NKAIN1: variants seen among roughly 807,000 people sequenced by gnomAD.
The protein encoded by NKAIN1 is sodium/potassium transporting ATPase interacting 1, also known as sodium/potassium-transporting ATPase subunit beta-1-interacting protein 1.
In NKAIN1, 13 loss-of-function variants were observed where a neutral mutation model predicts 31.6. That is an observed-to-expected ratio of 0.41 (90% CI 0.27 to 0.65). NKAIN1 has a LOEUF of 0.65. Among genes scored for constraint, NKAIN1 ranks in the 30% least tolerant of loss-of-function variants. The probability of loss-of-function intolerance (pLI) is 0.30; values close to 1 mark genes in which losing one functional copy is unlikely to be tolerated. For synonymous variants in NKAIN1, 104 were observed against 109.0 expected (o/e 0.95, Z 0.28); for missense variants, 193 against 262.2 (o/e 0.74, Z 1.82).
intron 1 of NKAIN1, among the ~76,000 whole-genome samples, chr1:31,219,205 A>C (rs958413678): frequency 6.6e-6 from 1 of 152,228 alleles, no homozygotes; most frequent in African/African-American, 2.4e-5. Context: ...GACTTCTTGG[A>C]GTTTTGAGCC....
rs1213829503 is a variant in NKAIN1 at position 31,233,798 on chromosome 1, T to C, written c.54+5696A>G. Among the ~76,000 whole-genome samples the C allele has an allele frequency of 2.0e-5, 3 of 152,150 alleles. No individual in the cohort carries two copies. Among genetic ancestry groups the C allele is most frequent in the South Asian group, 2.1e-4 (1 of 4,820 alleles). Reference sequence around the variant, plus strand: ...CGTACTTGGCTATCCCGGCATCAACTTGCGAATTCCCCAAACTGCCATGGG... The same window carrying C: ...CGTACTTGGCTATCCCGGCATCAACCTGCGAATTCCCCAAACTGCCATGGG... On this transcript the variant is annotated intron_variant, in intron 1 of 6. Coordinates refer to ENST00000373736, the MANE Select transcript of NKAIN1 (RefSeq NM_024522.3). The surrounding 1 kb of genome is among the most constrained non-coding windows in gnomAD (Gnocchi z 4.0).
chr1:31,181,593 G>T lies in NKAIN1; in HGVS notation c.*110C>A. The T allele has an allele frequency of 9.3e-7, 1 of 1,080,358 alleles. No individual in the cohort carries two copies. The highest frequency in any genetic ancestry group is 1.3e-6 in the Non-Finnish European group (1 of 794,136). 66.9% of individuals were successfully genotyped at this position (1,080,358 alleles called of 1,614,324 possible). On this transcript the variant is annotated 3_prime_UTR_variant, in exon 7 of 7. Transcript: ENST00000373736. ...GATGCAGACGCGGGGTTGGGCACAG[G>T]CTGCAGTGAGCGCGCGGGCCACCAG...
rs1260670670 is a variant in NKAIN1 at position 31,188,023 on chromosome 1, C to G, written c.192+27G>C. 2.6e-6 allele frequency: 4 copies of G among 1,547,746 alleles called. No individual in the cohort carries two copies. The Admixed American group carries it at 7.9e-5, about 31-fold the overall frequency. ...GGGCAGGGGTGAGGAGAGGAGTTGG[C>G]TTGGGAAGGGGCTAGGTGAGCCGTA... is the stretch of plus-strand genomic sequence containing the variant. On this transcript the variant is annotated intron_variant, in intron 2 of 6. Transcript: ENST00000373736.
intron 1 of NKAIN1, among the ~76,000 whole-genome samples, chr1:31,196,346 T>C (rs1645326535): frequency 6.6e-6 from 1 of 151,986 alleles, no homozygotes; most frequent in Non-Finnish European, 1.5e-5. Flanking sequence ...ACCCTGTCTC[T>C]ACTAAAAATA....
At chr1:31,224,286 G>A (rs1645585463) in intron 1 of NKAIN1, among the ~76,000 whole-genome samples, 1 of 152,162 alleles carries the variant, frequency 6.6e-6, no homozygotes, top group Non-Finnish European at 1.5e-5. Context: ...AAGGAGTTCA[G>A]AGTTCATGAA....
chr1:31,225,044 T>C (rs1352650466), intron 1 of NKAIN1, among the ~76,000 whole-genome samples: 1 of 147,996 alleles, frequency 6.8e-6, no homozygotes, highest in Admixed American at 6.7e-5. Context: ...TTTTTTTTTT[T>C]TTGAGACGGA....
At chr1:31,234,332 C>T (rs1645679407) in intron 1 of NKAIN1, among the ~76,000 whole-genome samples, 2 of 152,174 alleles carry the variant, frequency 1.3e-5, no homozygotes, top group African/African-American at 4.8e-5. Flanking sequence ...GTGCAGGCCC[C>T]TGCTGGAGCC....
At chr1:31,221,977 C>A (rs956346877) in intron 1 of NKAIN1, among the ~76,000 whole-genome samples, 23 of 152,142 alleles carry the variant, frequency 1.5e-4, no homozygotes, top group African/African-American at 5.3e-4. Context: ...TTCCCGGGTT[C>A]AAGCAATCCT....
chr1:31,183,573 T>C (rs1325867323), intron 4 of NKAIN1, among the ~76,000 whole-genome samples: 1 of 150,708 alleles, frequency 6.6e-6, no homozygotes, highest in Admixed American at 6.7e-5. Flanking sequence ...CTCAGCCTCC[T>C]GAGTAGCTGG....
chr1:31,188,306 G>A (rs1422646622), intron 1 of NKAIN1, 119 bp from the exon 2 acceptor site: 3 of 1,069,116 alleles, frequency 2.8e-6, no homozygotes, highest in Non-Finnish European at 4.0e-6. Context: ...ATAAGCCTCA[G>A]AACAATCCAG....
chr1:31,222,525 C>T (rs1470204639), intron 1 of NKAIN1, among the ~76,000 whole-genome samples: 9 of 152,178 alleles, frequency 5.9e-5, no homozygotes, highest in East Asian at 1.9e-4. Context: ...GGTGGTGACC[C>T]GTCACCAGTG....
In NKAIN1 at chr1:31,181,959, C is replaced by A; in HGVS notation, c.533-18G>T. 6.3e-7 allele frequency: 1 copy of A among 1,599,142 alleles called. No homozygotes were observed. Among genetic ancestry groups the A allele is most frequent in the Non-Finnish European group, 8.5e-7 (1 of 1,173,562 alleles). ...GAAGTCAACTGCGGAAGAGGGGCGG[C>A]GCATGTTAGGGATCGGCGGCGGGGG... On this transcript the variant is annotated intron_variant, in intron 5 of 6. Coordinates refer to ENST00000373736, the MANE Select transcript of NKAIN1 (RefSeq NM_024522.3).
chr1:31,224,934 A>G (rs1645591165), intron 1 of NKAIN1, among the ~76,000 whole-genome samples: 1 of 152,192 alleles, frequency 6.6e-6, no homozygotes, highest in African/African-American at 2.4e-5. Flanking sequence ...TGGGACCCAA[A>G]GCCAGCGGAC....
chr1:31,198,877 G>C (rs2148354333), intron 1 of NKAIN1, among the ~76,000 whole-genome samples: 1 of 152,336 alleles, frequency 6.6e-6, no homozygotes, highest in East Asian at 1.9e-4. Flanking sequence ...ACACAAGGTG[G>C]GGAGTGAGGG....
chr1:31,183,985 T>A lies in NKAIN1; in HGVS notation c.303A>T (p.Thr101=). Residue 101 remains threonine, a synonymous_variant, in exon 4 of 7, where the codon ACA becomes ACT. Coordinates refer to ENST00000373736, the MANE Select transcript of NKAIN1 (RefSeq NM_024522.3). ...QDRDFIMTFN[T]SLHRSWWMEN... is the part of the protein sequence containing the mutation. ...CCATCCACCAGGAGCGGTGCAGGGA[T>A]GTGTTGAAGGTCATGATGAAGTCCC... The A allele has an allele frequency of 6.2e-7, 1 of 1,613,540 alleles. No homozygotes were observed. The highest frequency in any genetic ancestry group is 8.5e-7 in the Non-Finnish European group (1 of 1,179,802).
Position 31,224,829 on chromosome 1 carries a change from T to C in NKAIN1, c.54+14665A>G, listed in dbSNP as rs376992917. ...GCCTCTTCCCTAGTGCCTCCTCTCT[T>C]GGAGGGTGGCCAGCTTTTCTTGGAG... On this transcript the variant is annotated intron_variant, in intron 1 of 6. Transcript: ENST00000373736. Among the ~76,000 whole-genome samples, 774 of 152,226 alleles carry C rather than the reference T, an allele frequency of 5.1e-3. 6 individuals are homozygous for C. Among genetic ancestry groups the C allele is most frequent in the African/African-American group, 0.017 (715 of 41,544 alleles).
intron 5 of NKAIN1, among the ~76,000 whole-genome samples, chr1:31,182,277 C>A (rs1210453388): frequency 1.3e-5 from 2 of 151,736 alleles, no homozygotes; most frequent in East Asian, 2.0e-4. Context: ...CTAAACGGGA[C>A]AAGACCTCTG....
intron 1 of NKAIN1, among the ~76,000 whole-genome samples, chr1:31,232,066 A>G: frequency 6.7e-6 from 1 of 149,364 alleles, no homozygotes; most frequent in Non-Finnish European, 1.5e-5. Flanking sequence ...GGTGCATGCT[A>G]CCATGCCCAG....
chr1:31,214,548 CATGT>C (rs754336791), intron 1 of NKAIN1, among the ~76,000 whole-genome samples: 4 of 151,916 alleles, frequency 2.6e-5, no homozygotes, highest in Non-Finnish European at 5.9e-5. Context: ...TGTGTGCATG[CATGT>C]GTGTGTCTGC....
Sources: allele counts gnomAD v4.1 joint callset (sites outside exome capture counted in the v4.1 genomes callset), GRCh38; gene constraint gnomAD v4.1.1; non-coding constraint Gnocchi (gnomAD v3.1); transcripts MANE v1.5; gene names NCBI Gene and HGNC (gene_info 2026-07-23, HGNC 2026-07-21).